CA10: variants seen among roughly 807,000 people sequenced by gnomAD.
CA10 encodes carbonic anhydrase 10 (inactive).
A neutral mutation model predicts 44.2 loss-of-function variants in CA10; 14 were observed. The ratio of observed to expected loss-of-function variants is 0.32; its 90% CI spans 0.21 to 0.50. CA10 has a LOEUF of 0.50. CA10 is among the 20% of genes least tolerant of loss of function. The pLI, the probability that CA10 is intolerant of heterozygous loss-of-function variation, is 0.99. For missense variants in CA10, 350 were observed against 409.7 expected, an observed-to-expected ratio of 0.85 and a Z score of 1.26; for synonymous variants, 159 against 141.6, an observed-to-expected ratio of 1.12 and a Z score of -0.87.
At chr17:51,635,369 C>A (rs978535859) in intron 7 of CA10, among the ~76,000 whole-genome samples, 1 of 151,934 alleles carries the variant, frequency 6.6e-6, no homozygotes, top group Non-Finnish European at 1.5e-5. Context: ...AAAAATTAGC[C>A]GGGCGTGGTG....
chr17:51,827,812 A>G (rs948256118), intron 3 of CA10, among the ~76,000 whole-genome samples: 12 of 152,186 alleles, frequency 7.9e-5, no homozygotes, highest in African/African-American at 2.9e-4. Context: ...AATGAACTGC[A>G]TCTCCCAGCT....
chr17:51,784,029 C>T (rs1246074181), intron 3 of CA10, among the ~76,000 whole-genome samples: 1 of 152,128 alleles, frequency 6.6e-6, no homozygotes, highest in African/African-American at 2.4e-5. Flanking sequence ...GAGGGAACTG[C>T]TTCACCTAGC....
intron 2 of CA10, among the ~76,000 whole-genome samples, chr17:52,017,213 A>C (rs1343827824): frequency 6.6e-6 from 1 of 152,180 alleles, no homozygotes; most frequent in East Asian, 1.9e-4. Context: ...AAGATACCTG[A>C]AAATGTGGAA....
At chr17:51,968,187 C>T (rs992927303) in intron 2 of CA10, among the ~76,000 whole-genome samples, 2 of 151,756 alleles carry the variant, frequency 1.3e-5, no homozygotes, top group Non-Finnish European at 3.0e-5. Flanking sequence ...CTTTATAACC[C>T]ACCTAGGCCA....
rs572881878 is a variant in CA10 at position 52,098,917 on chromosome 17, T to C, written c.62-26524A>G. ...CGTGAGCATTCGTACCTGGTGGTCA[T>C]TGCTTTAGGTACTGAGACAAAGTGC... is the stretch of plus-strand genomic sequence containing the variant. On this transcript the variant is annotated intron_variant, in intron 1 of 8. Coordinates refer to ENST00000451037, the MANE Select transcript of CA10 (RefSeq NM_020178.5). 1.6e-4 allele frequency among the ~76,000 whole-genome samples: 24 copies of C among 152,300 alleles called. No individual in the cohort carries two copies. The East Asian group carries it at 4.6e-3, about 29-fold the overall frequency.
intron 2 of CA10, among the ~76,000 whole-genome samples, chr17:51,960,413 C>T (rs1983844603): frequency 6.6e-6 from 1 of 151,338 alleles, no homozygotes; most frequent in African/African-American, 2.4e-5. Flanking sequence ...TGAGAAACAC[C>T]CCCCACCACC....
chr17:51,776,822 G>C (rs1219645129), intron 3 of CA10, among the ~76,000 whole-genome samples: 1 of 152,186 alleles, frequency 6.6e-6, no homozygotes, highest in East Asian at 1.9e-4. Flanking sequence ...ACACGTATTG[G>C]ACAATTCAGT....
At chr17:51,754,284 TAGTGTGTGTGTG>T (rs1236842099) in intron 3 of CA10, among the ~76,000 whole-genome samples, 6 of 97,316 alleles carry the variant, frequency 6.2e-5, no homozygotes, top group African/African-American at 2.3e-4. Context: ...AGAAACAGAA[TAGTGTGTGTGTG>T]TGTGTGTGTG....
chr17:51,940,517 T>C (rs1255549106), intron 2 of CA10, among the ~76,000 whole-genome samples: 1 of 152,066 alleles, frequency 6.6e-6, no homozygotes, highest in Admixed American at 6.6e-5. Flanking sequence ...ACTTCAGTCA[T>C]ACTTGATAGA....
At chr17:51,825,597 G>C (rs893030365) in intron 3 of CA10, among the ~76,000 whole-genome samples, 1 of 152,128 alleles carries the variant, frequency 6.6e-6, no homozygotes, top group South Asian at 2.1e-4. Context: ...TTTGAACCAG[G>C]AACACCAAAC....
At chr17:51,672,576 A>G (rs1335300150) in intron 4 of CA10, among the ~76,000 whole-genome samples, 3 of 152,184 alleles carry the variant, frequency 2.0e-5, no homozygotes, top group African/African-American at 7.2e-5. Flanking sequence ...TAGTTTACCC[A>G]ATATCTCACT....
chr17:51,848,944 A>G (rs1380384857), intron 3 of CA10, among the ~76,000 whole-genome samples: 1 of 151,668 alleles, frequency 6.6e-6, no homozygotes, highest in Non-Finnish European at 1.5e-5. Context: ...TACTCAGGAC[A>G]CTGAAGCAGG....
At chr17:51,713,837 A>G (rs1200467512) in intron 4 of CA10, among the ~76,000 whole-genome samples, 1 of 152,206 alleles carries the variant, frequency 6.6e-6, no homozygotes, top group Non-Finnish European at 1.5e-5. Context: ...TATGAATGGA[A>G]GGTGAATGAA....
At chr17:52,112,680 T>A (rs534986219) in intron 1 of CA10, among the ~76,000 whole-genome samples, 1 of 152,346 alleles carries the variant, frequency 6.6e-6, no homozygotes, top group African/African-American at 2.4e-5. Context: ...TAAGTTTAAA[T>A]ATCCAAAGTG....
intron 3 of CA10, among the ~76,000 whole-genome samples, chr17:51,857,651 G>T (rs1053111630): frequency 2.0e-5 from 3 of 152,130 alleles, no homozygotes; most frequent in African/African-American, 7.2e-5. Context: ...CTATTATTGG[G>T]TTTGGGGAAA....
chr17:52,139,054 A>G (rs1284340883), intron 1 of CA10, among the ~76,000 whole-genome samples: 1 of 152,222 alleles, frequency 6.6e-6, no homozygotes, highest in Non-Finnish European at 1.5e-5. Context: ...CAATCATTCA[A>G]ACTAGGAGTT....
At chr17:51,999,905 T>C (rs1386363867) in intron 2 of CA10, among the ~76,000 whole-genome samples, 1 of 152,040 alleles carries the variant, frequency 6.6e-6, no homozygotes, top group East Asian at 1.9e-4. Context: ...CTTTACTCTT[T>C]ACAGCTCCTA....
At chr17:51,891,405 G>A (rs1980850114) in intron 3 of CA10, among the ~76,000 whole-genome samples, 1 of 152,228 alleles carries the variant, frequency 6.6e-6, no homozygotes, top group Non-Finnish European at 1.5e-5. Flanking sequence ...GTTGAATGGG[G>A]AAGTCAGACT....
At chr17:52,024,982 C>T (rs1268874166) in intron 2 of CA10, among the ~76,000 whole-genome samples, 1 of 151,852 alleles carries the variant, frequency 6.6e-6, no homozygotes, top group Non-Finnish European at 1.5e-5. Context: ...CCCAAAAAGT[C>T]AGCTATGACA....
Sources: gnomAD v4.1 joint callset for allele counts (sites outside exome capture counted in the v4.1 genomes callset) on GRCh38, gnomAD v4.1.1 for gene constraint, MANE v1.5 for transcripts, NCBI Gene and HGNC (gene_info 2026-07-23, HGNC 2026-07-21) for gene names.